ARHGAP12: variants seen among roughly 807,000 people sequenced by gnomAD.
The protein encoded by ARHGAP12 is rho GTPase-activating protein 12.
In ARHGAP12, 64 loss-of-function variants were observed where a neutral mutation model predicts 108.6. The observed-to-expected ratio is 0.59, with a 90% confidence interval of 0.48 to 0.73. ARHGAP12 has a LOEUF of 0.73. ARHGAP12 is among the 30% of genes least tolerant of loss of function. The pLI is 0.00. For synonymous variants in ARHGAP12, 312 were observed against 337.2 expected (o/e 0.93, Z 0.82); for missense variants, 940 against 1,005.9 (o/e 0.93, Z 0.89).
At chr10:31,874,034 T>C (rs867080780) in intron 3 of ARHGAP12, among the ~76,000 whole-genome samples, 1 of 152,222 alleles carries the variant, frequency 6.6e-6, no homozygotes, top group Non-Finnish European at 1.5e-5. Context: ...ACTCTGTCAC[T>C]GAAATTTCTA....
intron 1 of ARHGAP12, among the ~76,000 whole-genome samples, chr10:31,912,357 A>G (rs1839387461): frequency 6.6e-6 from 1 of 152,182 alleles, no homozygotes; most frequent in Non-Finnish European, 1.5e-5. Flanking sequence ...AAGGATGAAG[A>G]ATAACAAGTG....
chr10:31,876,121 T>C (rs1323449287), intron 3 of ARHGAP12, among the ~76,000 whole-genome samples: 1 of 152,368 alleles, frequency 6.6e-6, no homozygotes, highest in African/African-American at 2.4e-5. Flanking sequence ...AAACACCTTT[T>C]TGAATCCCTG....
chr10:31,829,239 A>ATGTTAT, intron 10 of ARHGAP12, among the ~76,000 whole-genome samples: 1 of 152,198 alleles, frequency 6.6e-6, no homozygotes, highest in Non-Finnish European at 1.5e-5. Context: ...ACCAGTCACA[A>ATGTTAT]AAGTTATACA....
At chr10:31,911,239 G>C (rs539807087) in intron 1 of ARHGAP12, among the ~76,000 whole-genome samples, 1 of 152,262 alleles carries the variant, frequency 6.6e-6, no homozygotes, top group South Asian at 2.1e-4. Flanking sequence ...GGCCAGGCTG[G>C]TCTCGAACTC....
chr10:31,834,921 C>T (rs1172515802), intron 9 of ARHGAP12, among the ~76,000 whole-genome samples: 1 of 152,114 alleles, frequency 6.6e-6, no homozygotes, highest in Non-Finnish European at 1.5e-5. Flanking sequence ...ACATTTAAGG[C>T]AGGGCACGGT....
intron 3 of ARHGAP12, among the ~76,000 whole-genome samples, chr10:31,883,720 T>G (rs908527414): frequency 1.3e-5 from 2 of 151,934 alleles, no homozygotes; most frequent in African/African-American, 4.8e-5. Context: ...ATACTTTTTT[T>G]TTTTTTTTTG....
chr10:31,908,813 C>T lies in ARHGAP12; in HGVS notation c.43G>A (p.Val15Met), dbSNP rs747880032. The T allele has an allele frequency of 1.4e-5, 23 of 1,604,720 alleles. No homozygotes were observed. Among genetic ancestry groups the T allele is most frequent in the Non-Finnish European group, 1.8e-5 (21 of 1,179,066 alleles). Residue 15 changes from valine (V) to methionine (M), a missense_variant, in exon 3 of 20, where the codon GTG becomes ATG. By Grantham distance (21) the Val-to-Met change is conservative. Coordinates refer to ENST00000344936, the MANE Select transcript of ARHGAP12 (RefSeq NM_018287.7). Reference sequence around the variant, plus strand: ...TAATCATATTCCACCTCAATATACACTTGTCCTGGAATAATCTTCCCACTT... The same window carrying T: ...TAATCATATTCCACCTCAATATACATTTGTCCTGGAATAATCTTCCCACTT... ...DRSGKIIPGQ[V>M]YIEVEYDYEY... is the part of the protein sequence containing the mutation.
intron 3 of ARHGAP12, among the ~76,000 whole-genome samples, chr10:31,875,629 G>A (rs1272974300): frequency 6.6e-6 from 1 of 152,184 alleles, no homozygotes; most frequent in Admixed American, 6.5e-5. Flanking sequence ...GGCCTGTCTA[G>A]ACACTATTCA....
chr10:31,806,000 G>C lies in ARHGAP12; in HGVS notation c.*1658C>G, dbSNP rs1834812651. 6.6e-6 allele frequency: 1 copy of C among 151,980 alleles called. No individual in the cohort carries two copies. Among genetic ancestry groups the C allele is most frequent in the African/African-American group, 2.4e-5 (1 of 41,396 alleles). 9.4% of individuals were successfully genotyped at this position (151,980 alleles called of 1,614,324 possible). On this transcript the variant is annotated 3_prime_UTR_variant, in exon 20 of 20. Coordinates refer to ENST00000344936, the MANE Select transcript of ARHGAP12 (RefSeq NM_018287.7). ...AATTCAGGTGAGAGGTTTTTAGACAGATCATACAAAAAAATACTTGTTCCC... is the reference window on the plus strand; with the variant it reads ...AATTCAGGTGAGAGGTTTTTAGACACATCATACAAAAAAATACTTGTTCCC...
At chr10:31,864,333 CA>C (rs2132315868) in intron 3 of ARHGAP12, among the ~76,000 whole-genome samples, 1 of 152,140 alleles carries the variant, frequency 6.6e-6, no homozygotes, top group East Asian at 1.9e-4. Flanking sequence ...AAAACTAACA[CA>C]AATAAGCCTT....
chr10:31,872,163 T>A (rs759841405), intron 3 of ARHGAP12, among the ~76,000 whole-genome samples: 1 of 152,180 alleles, frequency 6.6e-6, no homozygotes, highest in African/African-American at 2.4e-5. Context: ...AGTTCCTGAG[T>A]GAAAATTATT....
rs1836729824 is a variant in ARHGAP12, at chr10:31,852,598, C to T, written c.1090-1G>A. 1.2e-6 allele frequency: 2 copies of T among 1,608,218 alleles called. No individual in the cohort carries two copies. The highest frequency in any genetic ancestry group is 1.1e-5 in the South Asian group (1 of 90,864). ...CTTGATCATCAACATGCTTGAGCCA[C>T]TATAAAAACAGAACAGGTGTTTTTT... On this transcript the variant is annotated splice_acceptor_variant, in intron 5 of 19. Coordinates refer to ENST00000344936, the MANE Select transcript of ARHGAP12 (RefSeq NM_018287.7). LOFTEE classifies it high-confidence loss of function.
intron 3 of ARHGAP12, among the ~76,000 whole-genome samples, chr10:31,887,226 T>G (rs1838222449): frequency 6.6e-6 from 1 of 152,184 alleles, no homozygotes; most frequent in Non-Finnish European, 1.5e-5. Context: ...CTCAATTTCT[T>G]CTTGCTCAGG....
At chr10:31,883,169 C>A (rs1306419636) in intron 3 of ARHGAP12, among the ~76,000 whole-genome samples, 1 of 152,062 alleles carries the variant, frequency 6.6e-6, no homozygotes, top group Non-Finnish European at 1.5e-5. Flanking sequence ...GTGGCACATG[C>A]CTGTAATCCC....
At chr10:31,857,782 G>GA (rs943576020) in intron 4 of ARHGAP12, among the ~76,000 whole-genome samples, 2 of 152,128 alleles carry the variant, frequency 1.3e-5, no homozygotes, top group African/African-American at 4.8e-5. Context: ...ATGAACAAAG[G>GA]AAAAACAAAT....
intron 1 of ARHGAP12, among the ~76,000 whole-genome samples, chr10:31,923,436 T>C (rs1243226642): frequency 6.6e-6 from 1 of 152,228 alleles, no homozygotes; most frequent in Non-Finnish European, 1.5e-5. Context: ...ATCTACCACA[T>C]GATTCAGGGA....
Position 31,875,603 on chromosome 10 carries a change from A to T in ARHGAP12, c.685-13945T>A, listed in dbSNP as rs569941970. Among the ~76,000 whole-genome samples the T allele has an allele frequency of 8.5e-5, 13 of 152,336 alleles. No homozygotes were observed. The South Asian group carries it at 2.7e-3, about 32-fold the overall frequency. ...TCTTTAAATGAACAATTCATCCTAA[A>T]GTTCCACAAAACTGAGGCCTGTCTA... On this transcript the variant is annotated intron_variant, in intron 3 of 19. Coordinates refer to ENST00000344936, the MANE Select transcript of ARHGAP12 (RefSeq NM_018287.7).
intron 3 of ARHGAP12, among the ~76,000 whole-genome samples, chr10:31,905,760 T>C (rs1474662862): frequency 1.3e-5 from 2 of 152,080 alleles, no homozygotes; most frequent in Non-Finnish European, 2.9e-5. Flanking sequence ...AGAATGTTCT[T>C]TGATTGCACA....
chr10:31,820,715 TATA>T lies in ARHGAP12; in HGVS notation c.1531-230_1531-228del, dbSNP rs1564370093. Among the ~76,000 whole-genome samples the T allele has an allele frequency of 3.4e-3, 251 of 74,164 alleles. 1 individual carries two copies. Among genetic ancestry groups the T allele is most frequent in the African/African-American group, 3.3e-3 (56 of 17,062 alleles). The allele number at this position is 74,164 out of a possible 152,430, so 48.7% of individuals were successfully genotyped here. On this transcript the variant is annotated intron_variant, in intron 11 of 19. Coordinates refer to ENST00000344936, the MANE Select transcript of ARHGAP12 (RefSeq NM_018287.7). Reference sequence around the variant, plus strand: ...AAATGACTCAACTTCCATCATATTATATATATATATATATATATATATAAAGCC... The same window carrying T: ...AAATGACTCAACTTCCATCATATTATTATATATATATATATATATAAAGCC...
Sources: allele counts gnomAD v4.1 joint callset (sites outside exome capture counted in the v4.1 genomes callset), GRCh38; gene constraint gnomAD v4.1.1; transcripts MANE v1.5; gene names NCBI Gene and HGNC (gene_info 2026-07-23, HGNC 2026-07-21).